The following USP35 variants were observed in gnomAD, a reference collection of about 807,000 sequenced individuals.
USP35 encodes ubiquitin carboxyl-terminal hydrolase 35.
In USP35, 69 loss-of-function variants were observed where a neutral mutation model predicts 83.8. The observed-to-expected ratio is 0.82, with a 90% CI of 0.68 to 1.01. The LOEUF (loss-of-function observed/expected upper bound fraction) is 1.01, where lower values mean the gene tolerates loss of function less well. Ranked by LOEUF, USP35 falls within the 50% of genes least tolerant of loss-of-function variation. The pLI is 0.00. For missense variants in USP35, 1,503 were observed against 1,362.5 expected (o/e 1.10, Z -1.62); for synonymous variants, 714 against 589.5 (o/e 1.21, Z -3.06).
chr11:78,202,468 G>T (rs895972463), intron 6 of USP35, among the ~76,000 whole-genome samples: 2 of 152,128 alleles, frequency 1.3e-5, no homozygotes, highest in Non-Finnish European at 2.9e-5. Flanking sequence ...ATTAAAAATA[G>T]TCATAAACTT....
chr11:78,213,723 TGATGAAGACAAGGATGAG>T lies in USP35; in HGVS notation c.2975_2992del (p.Asp992_Glu997del), dbSNP rs1318487093. 6.5e-6 allele frequency: 10 copies of T among 1,534,178 alleles called. No individual in the cohort carries two copies. Among genetic ancestry groups the T allele is most frequent in the Non-Finnish European group, 7.8e-6 (9 of 1,151,070 alleles). On this transcript the variant is annotated inframe_deletion, in exon 11 of 11. Transcript: ENST00000529308. ...CATCTCCGCACTGGGGGAGGGGCTT[TGATGAAGACAAGGATGAG>T]GATGAAGGCTCTCCAGGGGGCTGCA...
chr11:78,189,504 C>T lies in USP35; in HGVS notation c.-11+347C>T, dbSNP rs141713899. Among the ~76,000 whole-genome samples, 43 of 152,248 alleles carry T rather than the reference C, an allele frequency of 2.8e-4. No homozygotes were observed. In the East Asian group the frequency reaches 7.8e-3, roughly 28 times the overall value. On this transcript the variant is annotated intron_variant, in intron 1 of 10. Coordinates refer to ENST00000529308, the MANE Select transcript of USP35 (RefSeq NM_020798.4). Reference sequence around the variant, plus strand: ...ACTGGAGGGAGGGAGGTGGCACAAACTGGGGGGCCCGAGGCCACCATTGCT... The same window carrying T: ...ACTGGAGGGAGGGAGGTGGCACAAATTGGGGGGCCCGAGGCCACCATTGCT...
chr11:78,200,308 C>G, intron 5 of USP35, 74 bp downstream of exon 5: 1 of 1,528,872 alleles, frequency 6.5e-7, no homozygotes, highest in Non-Finnish European at 9.0e-7. Context: ...CCTACTGCCC[C>G]TGGTAAGGGC....
At chr11:78,232,527 G>A in the USP35 span, among the ~76,000 whole-genome samples, 2 of 152,262 alleles carry the variant, frequency 1.3e-5, no homozygotes, top group African/African-American at 4.8e-5. Flanking sequence ...TCTTTCCGTT[G>A]GCAATAGATA....
At position 78,213,898 on chromosome 11, in the gene USP35, G is replaced by A. The variant is rs1375128045; in HGVS notation, c.*85G>A. 2.7e-6 allele frequency: 4 copies of A among 1,470,324 alleles called. No individual in the cohort carries two copies. Among genetic ancestry groups the A allele is most frequent in the Admixed American group, 2.8e-5 (1 of 35,750 alleles). 91.1% of individuals were successfully genotyped at this position (1,470,324 alleles called of 1,614,324 possible). The stretch of plus-strand genomic sequence containing the variant: ...GCTGTGGAGGCAGGCCCTACCAAGA[G>A]GAAGGATGGTACAGCTCATGGCACC... On this transcript the variant is annotated 3_prime_UTR_variant, in exon 11 of 11. Coordinates refer to ENST00000529308, the MANE Select transcript of USP35 (RefSeq NM_020798.4).
downstream of USP35, chr11:78,215,502 A>G (rs1565410197): frequency 6.5e-6 from 1 of 152,690 alleles, no homozygotes; most frequent in Non-Finnish European, 1.5e-5. Flanking sequence ...ATTAGGCACC[A>G]ACAGTGATTT....
the USP35 span, chr11:78,227,031 C>T: frequency 6.8e-6 from 11 of 1,610,982 alleles, no homozygotes; most frequent in Non-Finnish European, 9.3e-6. Flanking sequence ...GGCTCTGGTG[C>T]CCTGAGAGAA....
chr11:78,196,176 A>C lies in USP35; in HGVS notation c.-10-60A>C. ...CTAAGTCTCAGCACTCGGGGACTGC[A>C]CCGGGAACTCTTGAGCCCCGCGGTT... On this transcript the variant is annotated intron_variant, in intron 1 of 10. Coordinates refer to ENST00000529308, the MANE Select transcript of USP35 (RefSeq NM_020798.4). The surrounding 1 kb of genome is among the most constrained non-coding windows in gnomAD (Gnocchi z 4.8). 1 of 1,511,452 alleles carries C rather than the reference A, an allele frequency of 6.6e-7. No homozygotes were observed. Among genetic ancestry groups the C allele is most frequent in the Non-Finnish European group, 8.8e-7 (1 of 1,140,536 alleles). The allele number at this position is 1,511,452 out of a possible 1,614,324, so 93.6% of individuals were successfully genotyped here.
intron 3 of USP35, 71 bp downstream of exon 3, chr11:78,198,139 C>T: frequency 6.3e-7 from 1 of 1,596,024 alleles, no homozygotes; most frequent in Non-Finnish European, 8.5e-7. Flanking sequence ...AGCCCCTTCT[C>T]CTGGGTGGGC....
chr11:78,196,626 G>A lies in USP35; in HGVS notation c.381G>A (p.Glu127=). Residue 127 remains glutamate (E), a synonymous_variant, in exon 2 of 11, where the codon GAG becomes GAA. Coordinates refer to ENST00000529308, the MANE Select transcript of USP35 (RefSeq NM_020798.4). This position sits in a 1 kb window ranked among gnomAD's most constrained non-coding sequence, Gnocchi z 4.8. Reference sequence around the variant, plus strand: ...AGGTGTTCGCGCTGCTGCGGCGCGAGGTGCTGCGCACCGTGTGCGAGCGCC... The same window carrying A: ...AGGTGTTCGCGCTGCTGCGGCGCGAAGTGCTGCGCACCGTGTGCGAGCGCC... The part of the protein sequence containing the change: ...ADEVFALLRR[E]VLRTVCERPG... 7.6e-7 allele frequency: 1 copy of A among 1,309,980 alleles called. No individual in the cohort carries two copies. The highest frequency in any genetic ancestry group is 3.4e-5 in the East Asian group (1 of 29,336). The allele number at this position is 1,309,980 out of a possible 1,614,324, so 81.1% of individuals were successfully genotyped here. A position where few individuals can be genotyped will look rare whatever the true frequency, so the allele number is the denominator to read the frequency against.
rs1863575094 is a variant in USP35, at chr11:78,207,685, C to G, written c.1485+62C>G. 9.2e-6 allele frequency: 14 copies of G among 1,515,486 alleles called. 1 individual carries two copies. In the South Asian group the frequency reaches 1.6e-4, roughly 17 times the overall value. 93.9% of individuals were successfully genotyped at this position (1,515,486 alleles called of 1,614,324 possible). Reference sequence around the variant, plus strand: ...AGCTCTGGTCAGGCCCCGACATGGACACCTTTCCCTTCCCCAGGACCTGCC... The same window carrying G: ...AGCTCTGGTCAGGCCCCGACATGGAGACCTTTCCCTTCCCCAGGACCTGCC... On this transcript the variant is annotated intron_variant, in intron 8 of 10. Transcript: ENST00000529308.
At chr11:78,235,833 T>G in the USP35 span, among the ~76,000 whole-genome samples, 32 of 152,170 alleles carry the variant, frequency 2.1e-4, no homozygotes, top group Non-Finnish European at 3.8e-4. Flanking sequence ...TTTCCTGTCT[T>G]CTTCTGAGCC....
chr11:78,222,329 T>C, the USP35 span: 1 of 645,672 alleles, frequency 1.5e-6, no homozygotes, highest in Non-Finnish European at 2.8e-6. Context: ...AAACTGACGC[T>C]CAGCGAGGTT....
chr11:78,192,869 C>A lies in USP35; in HGVS notation c.-10-3367C>A, dbSNP rs577609311. ...GGGCTAGAATGTAGGACTCCTCATTCCTAGTCTGATACTCTTTCTACTCTT... is the reference window on the plus strand; with the variant it reads ...GGGCTAGAATGTAGGACTCCTCATTACTAGTCTGATACTCTTTCTACTCTT... On this transcript the variant is annotated intron_variant, in intron 1 of 10. Coordinates refer to ENST00000529308, the MANE Select transcript of USP35 (RefSeq NM_020798.4). Among the ~76,000 whole-genome samples, 3 of 152,274 alleles carry A rather than the reference C, an allele frequency of 2.0e-5. No homozygotes were observed. In the South Asian group the frequency reaches 6.2e-4, roughly 32 times the overall value.
the USP35 span, chr11:78,227,016 A>C: frequency 6.2e-7 from 1 of 1,613,058 alleles, no homozygotes; most frequent in South Asian, 1.1e-5. Flanking sequence ...CCTCATGAGA[A>C]AAGAGGCTCT....
Position 78,196,102 on chromosome 11 carries a change from C to T in USP35, c.-10-134C>T. ...TCTCAGTGAAATGACGCCCTTGCCC[C>T]ATTTCACAGATGAGAAAACTGAGGC... is the stretch of plus-strand genomic sequence containing the variant. On this transcript the variant is annotated intron_variant, in intron 1 of 10. Transcript: ENST00000529308. The surrounding 1 kb of genome is among the most constrained non-coding windows in gnomAD (Gnocchi z 4.8). 1 of 1,373,064 alleles carries T rather than the reference C, an allele frequency of 7.3e-7. No homozygotes were observed. The highest frequency in any genetic ancestry group is 1.5e-5 in the South Asian group (1 of 64,566). The allele number at this position is 1,373,064 out of a possible 1,614,324, so 85.1% of individuals were successfully genotyped here.
At chr11:78,200,578 C>T (rs563649326) in intron 5 of USP35, 72 bp from the exon 6 acceptor site, 13 of 1,536,850 alleles carry the variant, frequency 8.5e-6, no homozygotes, top group Middle Eastern at 4.5e-4. Context: ...TGCGTGCTGT[C>T]AGCAGGGACC....
chr11:78,228,251 G>A, the USP35 span, among the ~76,000 whole-genome samples: 2 of 152,346 alleles, frequency 1.3e-5, no homozygotes, highest in South Asian at 4.1e-4. Context: ...TGGGAAATTG[G>A]AGGGTGAGGT....
At chr11:78,233,539 C>A in the USP35 span, among the ~76,000 whole-genome samples, 1 of 152,086 alleles carries the variant, frequency 6.6e-6, no homozygotes, top group Non-Finnish European at 1.5e-5. Context: ...TGTAGAAGTT[C>A]TTTATATGGA....
Sources: allele counts gnomAD v4.1 joint callset (sites outside exome capture counted in the v4.1 genomes callset), GRCh38; gene constraint gnomAD v4.1.1; non-coding constraint Gnocchi (gnomAD v3.1); transcripts MANE v1.5; gene names NCBI Gene and HGNC (gene_info 2026-07-23, HGNC 2026-07-21).